IMMP2L: variants seen among roughly 807,000 people sequenced by gnomAD.
The protein encoded by IMMP2L is inner mitochondrial membrane peptidase subunit 2, also known as mitochondrial inner membrane protease subunit 2.
A neutral mutation model predicts 19.3 loss-of-function variants in IMMP2L; 18 were observed. That is an observed-to-expected ratio of 0.93 (90% confidence interval 0.64 to 1.38). The LOEUF (loss-of-function observed/expected upper bound fraction) is 1.38. Among genes scored for constraint, IMMP2L ranks in the 40% most tolerant of loss-of-function variants. The pLI is 0.00. For missense variants in IMMP2L, 233 were observed against 218.2 expected (o/e 1.07, Z -0.43); for synonymous variants, 76 against 73.0 (o/e 1.04, Z -0.21).
At chr7:111,153,021 T>C (rs567382459) in intron 3 of IMMP2L, among the ~76,000 whole-genome samples, 19 of 152,080 alleles carry the variant, frequency 1.2e-4, no homozygotes, top group Non-Finnish European at 2.5e-4. Context: ...AACCTGCAGT[T>C]TTACTGTAAA....
At position 110,902,493 on chromosome 7, in the gene IMMP2L, T is replaced by C. The variant is rs552095271; in HGVS notation, c.306-15798A>G. 3.1e-3 allele frequency among the ~76,000 whole-genome samples: 460 copies of C among 148,778 alleles called. 2 individuals are homozygous for C. The highest frequency in any genetic ancestry group is 0.011 in the Middle Eastern group (3 of 282). ...ATGAATGATAAAATATATATATATA[T>C]ATATATATAGTATCAAGGGTTCATG... On this transcript the variant is annotated intron_variant, in intron 4 of 5. Transcript: ENST00000405709.
At chr7:111,197,991 T>C (rs903262318) in intron 3 of IMMP2L, among the ~76,000 whole-genome samples, 4 of 152,194 alleles carry the variant, frequency 2.6e-5, no homozygotes, top group Middle Eastern at 3.4e-3. Flanking sequence ...TAGAAATCAG[T>C]AGACAGATAA....
chr7:111,356,348 T>A (rs1828698118), intron 3 of IMMP2L, among the ~76,000 whole-genome samples: 1 of 152,144 alleles, frequency 6.6e-6, no homozygotes, highest in South Asian at 2.1e-4. Flanking sequence ...CCCCAAACAA[T>A]ATAGTATAAT....
At chr7:111,325,905 T>C (rs966149993) in intron 3 of IMMP2L, among the ~76,000 whole-genome samples, 2 of 151,730 alleles carry the variant, frequency 1.3e-5, no homozygotes, top group African/African-American at 4.8e-5. Context: ...GAAATTTTAC[T>C]GTAGTAATAA....
At chr7:110,997,502 T>C (rs1187482273) in intron 3 of IMMP2L, among the ~76,000 whole-genome samples, 5 of 152,164 alleles carry the variant, frequency 3.3e-5, no homozygotes, top group African/African-American at 9.6e-5. Context: ...AATAATCCAG[T>C]CGCTAAATCC....
intron 3 of IMMP2L, among the ~76,000 whole-genome samples, chr7:111,205,245 C>G (rs932625996): frequency 6.6e-6 from 1 of 152,188 alleles, no homozygotes; most frequent in African/African-American, 2.4e-5. Flanking sequence ...AGCCTTATGA[C>G]TTAATCACTT....
chr7:110,815,601 T>C (rs1373003683), intron 5 of IMMP2L, among the ~76,000 whole-genome samples: 1 of 152,124 alleles, frequency 6.6e-6, no homozygotes, highest in East Asian at 1.9e-4. Context: ...GGTCCTGGAC[T>C]TTTTTTGGTT....
At chr7:111,551,137 T>A (rs909536700) in intron 1 of IMMP2L, among the ~76,000 whole-genome samples, 1 of 152,192 alleles carries the variant, frequency 6.6e-6, no homozygotes. Context: ...TGATAATCTG[T>A]TTGCAATGTG....
At chr7:111,242,928 T>C (rs1038447980) in intron 3 of IMMP2L, among the ~76,000 whole-genome samples, 3 of 152,122 alleles carry the variant, frequency 2.0e-5, no homozygotes, top group African/African-American at 7.2e-5. Context: ...TCTAACTCAC[T>C]GGTATTTCTT....
intron 5 of IMMP2L, among the ~76,000 whole-genome samples, chr7:110,786,750 T>A (rs942478462): frequency 2.0e-5 from 3 of 152,152 alleles, no homozygotes; most frequent in African/African-American, 7.2e-5. Context: ...TGAGACATGA[T>A]GTATTTAATT....
At chr7:111,324,005 TG>T (rs1380825816) in intron 3 of IMMP2L, among the ~76,000 whole-genome samples, 1 of 150,658 alleles carries the variant, frequency 6.6e-6, no homozygotes, top group East Asian at 2.0e-4. Flanking sequence ...GTGGTGGGAG[TG>T]GGGAGGGATA....
At chr7:110,850,443 G>A (rs1359146228) in intron 5 of IMMP2L, among the ~76,000 whole-genome samples, 2 of 152,002 alleles carry the variant, frequency 1.3e-5, no homozygotes, top group African/African-American at 4.8e-5. Flanking sequence ...CCTGCCCCTT[G>A]ATTTACATAT....
intron 3 of IMMP2L, among the ~76,000 whole-genome samples, chr7:111,008,866 G>C (rs1395701579): frequency 6.6e-6 from 1 of 152,010 alleles, no homozygotes; most frequent in Non-Finnish European, 1.5e-5. Context: ...GAATGAATTA[G>C]GTATTTCCAG....
chr7:111,218,358 T>C (rs1175543912), intron 3 of IMMP2L, among the ~76,000 whole-genome samples: 1 of 152,102 alleles, frequency 6.6e-6, no homozygotes, highest in Non-Finnish European at 1.5e-5. Context: ...CTGAAAGAGC[T>C]GCAAATAAAG....
At chr7:111,043,794 A>G (rs1792118858) in intron 3 of IMMP2L, among the ~76,000 whole-genome samples, 1 of 152,230 alleles carries the variant, frequency 6.6e-6, no homozygotes, top group Admixed American at 6.5e-5. Flanking sequence ...AGCTTAGAAG[A>G]CAATGCTTTT....
chr7:111,392,956 A>T (rs1257776022), intron 3 of IMMP2L: 5 of 412,366 alleles, frequency 1.2e-5, no homozygotes, highest in African/African-American at 1.0e-4. Context: ...CAATTATAAA[A>T]GTCTCAGAAC....
At chr7:110,692,209 T>C (rs1380224034) in intron 5 of IMMP2L, among the ~76,000 whole-genome samples, 4 of 152,150 alleles carry the variant, frequency 2.6e-5, no homozygotes, top group African/African-American at 4.8e-5. Flanking sequence ...CTGAAGGTCA[T>C]TATGTGAAGT....
At chr7:111,467,343 T>A (rs956289187) in intron 3 of IMMP2L, among the ~76,000 whole-genome samples, 2 of 152,210 alleles carry the variant, frequency 1.3e-5, no homozygotes, top group Non-Finnish European at 2.9e-5. Flanking sequence ...AACTTTTAGT[T>A]CTAAAATTTC....
intron 3 of IMMP2L, among the ~76,000 whole-genome samples, chr7:111,119,826 A>C (rs1800370672): frequency 6.6e-6 from 1 of 152,196 alleles, no homozygotes; most frequent in African/African-American, 2.4e-5. Context: ...GGTGAAGGAA[A>C]GGATCAAGGA....
Sources: gnomAD v4.1 joint callset for allele counts (sites outside exome capture counted in the v4.1 genomes callset) on GRCh38, gnomAD v4.1.1 for gene constraint, MANE v1.5 for transcripts, NCBI Gene and HGNC (gene_info 2026-07-23, HGNC 2026-07-21) for gene names.